The following ZNF146 variants were observed in gnomAD, a reference collection of about 807,000 sequenced individuals.
The protein encoded by ZNF146 is zinc finger protein OZF.
Under a neutral mutation model 22.2 loss-of-function variants are expected in ZNF146, and 9 were observed. That is an observed-to-expected ratio of 0.41 (90% CI 0.24 to 0.71). ZNF146 has a LOEUF of 0.71. ZNF146 is among the 30% of genes least tolerant of loss of function. The probability of loss-of-function intolerance (pLI) is 0.34; values close to 1 mark genes in which losing one functional copy is unlikely to be tolerated. For synonymous variants in ZNF146, 108 were observed against 119.2 expected, an observed-to-expected ratio of 0.91 and a Z score of 0.61; for missense variants, 194 against 344.8, an observed-to-expected ratio of 0.56 and a Z score of 3.46.
At chr19:36,224,065 C>T (rs1976972629) in intron 2 of ZNF146, among the ~76,000 whole-genome samples, 1 of 152,096 alleles carries the variant, frequency 6.6e-6, no homozygotes, top group African/African-American at 2.4e-5. Context: ...TTGGCTACCA[C>T]GTTCTTTGAC....
intron 2 of ZNF146, among the ~76,000 whole-genome samples, chr19:36,224,319 T>C (rs1599968028): frequency 6.6e-6 from 1 of 152,090 alleles, no homozygotes; most frequent in Admixed American, 6.5e-5. Context: ...AGGGCGGAGG[T>C]TGCAGTGAGC....
At chr19:36,223,549 GA>G (rs1293076873) in intron 2 of ZNF146, among the ~76,000 whole-genome samples, 1 of 151,878 alleles carries the variant, frequency 6.6e-6, no homozygotes, top group Admixed American at 6.6e-5. Context: ...ATTTTTAGTA[GA>G]GACGGGGTTT....
intron 3 of ZNF146, among the ~76,000 whole-genome samples, chr19:36,232,077 C>T (rs957528426): frequency 6.6e-6 from 1 of 151,790 alleles, no homozygotes; most frequent in African/African-American, 2.4e-5. Context: ...GTGATGCACA[C>T]CTATCGTCCC....
intron 2 of ZNF146, among the ~76,000 whole-genome samples, chr19:36,221,284 C>CTCT (rs1976823930): frequency 1.0e-5 from 1 of 98,700 alleles, no homozygotes; most frequent in Non-Finnish European, 1.9e-5. Context: ...TAAGGGACTG[C>CTCT]TTTTTTTTTT....
rs190607620 is a variant in ZNF146, at chr19:36,221,779, T to C, written c.-855+3584T>C. Among the ~76,000 whole-genome samples the C allele has an allele frequency of 1.8e-3, 280 of 152,180 alleles. 1 individual carries two copies. Among genetic ancestry groups the C allele is most frequent in the Non-Finnish European group, 3.3e-3 (222 of 67,996 alleles). On this transcript the variant is annotated intron_variant, in intron 2 of 3. Transcript: ENST00000443387. Reference sequence around the variant, plus strand: ...CTTGTTTATCCTTCAAGTGGGTTTTTTGTTTTTTGTTCTGTCACTATTATA... The same window carrying C: ...CTTGTTTATCCTTCAAGTGGGTTTTCTGTTTTTTGTTCTGTCACTATTATA...
chr19:36,218,493 A>C (rs1238921494), intron 2 of ZNF146, among the ~76,000 whole-genome samples: 2 of 150,518 alleles, frequency 1.3e-5, no homozygotes, highest in Non-Finnish European at 1.5e-5. Flanking sequence ...TTTTTGATGG[A>C]GTCTCACTGT....
At chr19:36,234,386 T>C (rs1256040480) in intron 3 of ZNF146, among the ~76,000 whole-genome samples, 1 of 152,148 alleles carries the variant, frequency 6.6e-6, no homozygotes, top group Admixed American at 6.5e-5. Flanking sequence ...CTCTCCCATA[T>C]AACAAAATAC....
At position 36,236,879 on chromosome 19, in the gene ZNF146, G is replaced by C. The variant is rs1210419295; in HGVS notation, c.439G>C (p.Glu147Gln). The change falls in exon 4 of 4, where the codon GAG becomes CAG. Residue 147 changes from glutamate (E) to glutamine (Q), a missense_variant. This residue lies in a region of ZNF146 where 147 missense variants were observed against 300.1 expected (regional missense o/e 0.49). Coordinates refer to ENST00000443387, the MANE Select transcript of ZNF146 (RefSeq NM_007145.3). ...FSGKSNLTEH[E>Q]KIHIGEKPFK... is the part of the protein sequence containing the mutation. Reference sequence around the variant, plus strand: ...TGGCAAATCCAACCTTACTGAGCATGAGAAAATCCATATTGGAGAGAAGCC... The same window carrying C: ...TGGCAAATCCAACCTTACTGAGCATCAGAAAATCCATATTGGAGAGAAGCC... 3 of 1,613,994 alleles carry C rather than the reference G, an allele frequency of 1.9e-6. No homozygotes were observed. In the African/African-American group the frequency reaches 4.0e-5, roughly 22 times the overall value.
At chr19:36,223,552 A>G (rs920256599) in intron 2 of ZNF146, among the ~76,000 whole-genome samples, 10 of 151,718 alleles carry the variant, frequency 6.6e-5, no homozygotes, top group African/African-American at 2.4e-4. Context: ...TTTAGTAGAG[A>G]CGGGGTTTCA....
intron 2 of ZNF146, among the ~76,000 whole-genome samples, chr19:36,220,841 T>C (rs1976804458): frequency 6.8e-6 from 1 of 148,138 alleles, no homozygotes; most frequent in African/African-American, 2.5e-5. Flanking sequence ...ACTATTTTTG[T>C]TCTTAAAATG....
In ZNF146 at chr19:36,238,543, T is replaced by C. The variant is rs1977730342; in HGVS notation, c.*1224T>C. 1 of 167,098 alleles carries C rather than the reference T, an allele frequency of 6.0e-6. No homozygotes were observed. The highest frequency in any genetic ancestry group is 2.4e-5 in the African/African-American group (1 of 41,450). 10.4% of individuals were successfully genotyped at this position (167,098 alleles called of 1,614,324 possible). A position where few individuals can be genotyped will look rare whatever the true frequency, so the allele number is the denominator to read the frequency against. ...TGTGGTATAGGGATATCTTGTCTTA[T>C]TTTTTGTACTTTTCTGTATTTTTAA... On this transcript the variant is annotated 3_prime_UTR_variant, in exon 4 of 4. Coordinates refer to ENST00000443387, the MANE Select transcript of ZNF146 (RefSeq NM_007145.3).
At chr19:36,217,269 G>A (rs1976651492) in intron 1 of ZNF146, among the ~76,000 whole-genome samples, 2 of 151,452 alleles carry the variant, frequency 1.3e-5, no homozygotes, top group Admixed American at 1.3e-4. Flanking sequence ...TACCATGTTG[G>A]CCAGGCTGGT....
intron 2 of ZNF146, among the ~76,000 whole-genome samples, chr19:36,222,975 C>T (rs1278284118): frequency 6.6e-6 from 1 of 151,830 alleles, no homozygotes. Context: ...ACACCAAAGA[C>T]CTTTTTATTC....
intron 2 of ZNF146, among the ~76,000 whole-genome samples, chr19:36,225,712 A>C (rs1187728654): frequency 1.4e-5 from 2 of 146,070 alleles, no homozygotes; most frequent in Non-Finnish European, 3.0e-5. Context: ...TGCTGGGATT[A>C]CAGGCATGAG....
intron 3 of ZNF146, among the ~76,000 whole-genome samples, chr19:36,232,506 AT>A (rs1220809153): frequency 6.6e-6 from 1 of 151,978 alleles, no homozygotes; most frequent in Admixed American, 6.6e-5. Context: ...AGGAAGGTCC[AT>A]GTTTTATTTT....
chr19:36,236,356 T>TA lies in ZNF146; in HGVS notation c.-84dup. ...CTTATAAATGTAAGAGATGTGGAAATATCTTCAGCCAAAAGTAAATCCTCA... is the reference window on the plus strand; with the variant it reads ...CTTATAAATGTAAGAGATGTGGAAATAATCTTCAGCCAAAAGTAAATCCTCA... On this transcript the variant is annotated 5_prime_UTR_variant, in exon 4 of 4. An upstream open reading frame in the 5' UTR gains an earlier in-frame stop. Transcript: ENST00000443387. The TA allele has an allele frequency of 6.8e-7, 1 of 1,474,146 alleles. No individual in the cohort carries two copies. Among genetic ancestry groups the TA allele is most frequent in the Non-Finnish European group, 9.1e-7 (1 of 1,098,274 alleles). 91.3% of individuals were successfully genotyped at this position (1,474,146 alleles called of 1,614,324 possible).
chr19:36,227,243 G>A (rs974792165), intron 2 of ZNF146, among the ~76,000 whole-genome samples: 1 of 151,640 alleles, frequency 6.6e-6, no homozygotes, highest in Admixed American at 6.6e-5. Flanking sequence ...ACAAAAATTA[G>A]CTGGGTGTAG....
intron 1 of ZNF146, among the ~76,000 whole-genome samples, chr19:36,217,220 C>A (rs1976649252): frequency 6.6e-6 from 1 of 151,138 alleles, no homozygotes; most frequent in Non-Finnish European, 1.5e-5. Context: ...GCCACCACAC[C>A]CGGCTACTTT....
chr19:36,223,555 G>A (rs1364274687), intron 2 of ZNF146, among the ~76,000 whole-genome samples: 1 of 151,870 alleles, frequency 6.6e-6, no homozygotes, highest in African/African-American at 2.4e-5. Context: ...AGTAGAGACG[G>A]GGTTTCACCA....
Sources: gnomAD v4.1 joint callset for allele counts (sites outside exome capture counted in the v4.1 genomes callset) on GRCh38, gnomAD v4.1.1 for gene constraint, gnomAD v4.1.1 regional missense constraint, MANE v1.5 for transcripts, NCBI Gene and HGNC (gene_info 2026-07-23, HGNC 2026-07-21) for gene names.